The following KIF13B variants were observed in gnomAD, a reference collection of about 807,000 sequenced individuals.
KIF13B encodes kinesin-like protein KIF13B.
A neutral mutation model predicts 222.0 loss-of-function variants in KIF13B; 127 were observed. That is an observed-to-expected ratio of 0.57 (90% CI 0.50 to 0.66). KIF13B has a LOEUF of 0.66. Ranked by LOEUF, KIF13B falls within the 30% of genes least tolerant of loss-of-function variation. The probability of loss-of-function intolerance (pLI) is 0.00; values close to 1 mark genes in which losing one functional copy is unlikely to be tolerated. For synonymous variants in KIF13B, 976 were observed against 919.0 expected, an observed-to-expected ratio of 1.06 and a Z score of -1.12; for missense variants, 2,173 against 2,379.0, an observed-to-expected ratio of 0.91 and a Z score of 1.80.
At chr8:29,255,578 A>T (rs551624357) in intron 1 of KIF13B, among the ~76,000 whole-genome samples, 177 of 151,102 alleles carry the variant, frequency 1.2e-3, no homozygotes, top group Middle Eastern at 3.4e-3. Flanking sequence ...TTTTTTTTTT[A>T]AAAAAAGGTA....
At chr8:29,131,076 AG>A (rs1356460413) in intron 23 of KIF13B, among the ~76,000 whole-genome samples, 1 of 152,206 alleles carries the variant, frequency 6.6e-6, no homozygotes, top group Non-Finnish European at 1.5e-5. Flanking sequence ...GAAATAGAAA[AG>A]CAAAAACCCC....
At chr8:29,083,001 C>A (rs1338499914) in intron 37 of KIF13B, among the ~76,000 whole-genome samples, 1 of 152,086 alleles carries the variant, frequency 6.6e-6, no homozygotes, top group African/African-American at 2.4e-5. Context: ...TGGCGGTGTA[C>A]ACCTGTAGTC....
At chr8:29,117,736 G>A (rs535108259) in intron 30 of KIF13B, among the ~76,000 whole-genome samples, 1 of 152,154 alleles carries the variant, frequency 6.6e-6, no homozygotes, top group Non-Finnish European at 1.5e-5. Flanking sequence ...TTTCCTTCCT[G>A]AATATATTTC....
Position 29,116,931 on chromosome 8 carries a change from C to A in KIF13B, c.3737G>T (p.Arg1246Leu). The change falls in exon 31 of 40, where the codon CGG becomes CTG. Residue 1246 changes from arginine (R) to leucine (L), a missense_variant. By Grantham distance (102) the Arg-to-Leu change is moderately radical. This residue lies in a region of KIF13B where 1,480 missense variants were observed against 1,722.8 expected (regional missense o/e 0.86). Coordinates refer to ENST00000524189, the MANE Select transcript of KIF13B (RefSeq NM_015254.4). ...QLSRGTPVDE[R>L]LFLIVRVTVQ... ...CGTCACGCGCACGATCAGGAACAAC[C>A]GCTCGTCCACGGGCGTGCCCCTGCT... is the stretch of plus-strand genomic sequence containing the variant. 2.5e-6 allele frequency: 4 copies of A among 1,613,174 alleles called. No individual in the cohort carries two copies. The highest frequency in any genetic ancestry group is 2.5e-6 in the Non-Finnish European group (3 of 1,179,344).
intron 2 of KIF13B, among the ~76,000 whole-genome samples, chr8:29,227,199 T>C (rs889654717): frequency 6.6e-5 from 10 of 152,376 alleles, no homozygotes; most frequent in Middle Eastern, 3.4e-3. Flanking sequence ...TCAATTATAG[T>C]CAATCCTCAT....
chr8:29,243,123 G>C (rs1273061634), intron 2 of KIF13B, among the ~76,000 whole-genome samples: 1 of 152,116 alleles, frequency 6.6e-6, no homozygotes. Context: ...AAGGCAGGCG[G>C]ATCACTTGAG....
rs369401356 is a variant in KIF13B, at chr8:29,119,030, T to C, written c.3536-38A>G. The C allele has an allele frequency of 4.4e-6, 7 of 1,597,818 alleles. No homozygotes were observed. The African/African-American group carries it at 5.4e-5, about 12-fold the overall frequency. Reference sequence around the variant, plus strand: ...AAGTTCCATTAAATACTGAGATCATTTTCAAGGATAACCCCTACCAGCTAA... The same window carrying C: ...AAGTTCCATTAAATACTGAGATCATCTTCAAGGATAACCCCTACCAGCTAA... On this transcript the variant is annotated intron_variant, in intron 29 of 39. Transcript: ENST00000524189.
chr8:29,165,463 C>A (rs891553818), intron 12 of KIF13B, among the ~76,000 whole-genome samples, 199 bp downstream of exon 12: 1 of 152,118 alleles, frequency 6.6e-6, no homozygotes, highest in Non-Finnish European at 1.5e-5. Flanking sequence ...CTTACATAAA[C>A]AATCAAGTGC....
intron 1 of KIF13B, among the ~76,000 whole-genome samples, chr8:29,258,902 T>C (rs1816583189): frequency 6.6e-6 from 1 of 152,192 alleles, no homozygotes; most frequent in African/African-American, 2.4e-5. Flanking sequence ...CTCACAGGCA[T>C]GAACCATAAA....
chr8:29,200,493 T>G (rs1473980993), intron 2 of KIF13B, among the ~76,000 whole-genome samples: 1 of 152,188 alleles, frequency 6.6e-6, no homozygotes, highest in South Asian at 2.1e-4. Context: ...CTTTCAGGCT[T>G]ACAAAAAGCT....
At chr8:29,145,038 A>G (rs1341723505) in intron 18 of KIF13B, among the ~76,000 whole-genome samples, 1 of 152,166 alleles carries the variant, frequency 6.6e-6, no homozygotes, top group African/African-American at 2.4e-5. Flanking sequence ...ATCAAAGAGG[A>G]TCTTGTACTT....
chr8:29,080,535 C>G (rs1275391923), intron 37 of KIF13B, among the ~76,000 whole-genome samples: 1 of 152,178 alleles, frequency 6.6e-6, no homozygotes, highest in South Asian at 2.1e-4. Flanking sequence ...AGTGACCACC[C>G]TGTGCGCCTG....
At chr8:29,184,078 T>A (rs374482472) in intron 6 of KIF13B, among the ~76,000 whole-genome samples, 2 of 152,154 alleles carry the variant, frequency 1.3e-5, no homozygotes, top group South Asian at 2.1e-4. Context: ...ATATAGAATA[T>A]TTGATTTACT....
intron 18 of KIF13B, 40 bp from the exon 19 acceptor site, chr8:29,142,343 C>G: frequency 1.9e-6 from 3 of 1,574,058 alleles, no homozygotes; most frequent in Non-Finnish European, 2.6e-6. Context: ...AACACACAGG[C>G]AGCGGGGAAG....
intron 35 of KIF13B, among the ~76,000 whole-genome samples, chr8:29,104,812 C>G (rs554783417): frequency 6.6e-6 from 1 of 150,986 alleles, no homozygotes; most frequent in Non-Finnish European, 1.5e-5. Flanking sequence ...GGCGCGATCT[C>G]GGCTCACTGC....
At chr8:29,262,204 C>T (rs943414763) in intron 1 of KIF13B, among the ~76,000 whole-genome samples, 1 of 152,198 alleles carries the variant, frequency 6.6e-6, no homozygotes, top group African/African-American at 2.4e-5. Context: ...CTCCACTCCC[C>T]GGGTCTACAG....
rs570840503 is a variant in KIF13B at position 29,221,384 on chromosome 8, T to C, written c.149+23962A>G. ...TCCCAAAATGCTGGGATTACAGGCA[T>C]GAGCCACCGCACCCGACCTGCAGTG... On this transcript the variant is annotated intron_variant, in intron 2 of 39. Transcript: ENST00000524189. 1.5e-3 allele frequency among the ~76,000 whole-genome samples: 225 copies of C among 150,462 alleles called. 1 individual carries two copies. The highest frequency in any genetic ancestry group is 5.3e-3 in the African/African-American group (215 of 40,876).
chr8:29,204,321 A>C (rs954197078), intron 2 of KIF13B, among the ~76,000 whole-genome samples: 2 of 152,228 alleles, frequency 1.3e-5, no homozygotes, highest in Admixed American at 1.3e-4. Context: ...GAATACACTC[A>C]GTATTAACTC....
chr8:29,240,564 T>C (rs796778060), intron 2 of KIF13B, among the ~76,000 whole-genome samples: 14 of 152,340 alleles, frequency 9.2e-5, no homozygotes, highest in Non-Finnish European at 1.6e-4. Context: ...GTATATTATG[T>C]TTTTTAATTT....
Sources: allele counts gnomAD v4.1 joint callset (sites outside exome capture counted in the v4.1 genomes callset), GRCh38; gene constraint gnomAD v4.1.1; regional missense constraint gnomAD v4.1.1; transcripts MANE v1.5; gene names NCBI Gene and HGNC (gene_info 2026-07-23, HGNC 2026-07-21).